Variants in CDKAL1 observed in about 807,000 individuals in gnomAD.
CDKAL1 encodes the protein CDKAL1 threonylcarbamoyladenosine tRNA methylthiotransferase.
A neutral mutation model predicts 68.2 loss-of-function variants in CDKAL1; 32 were observed. The ratio of observed to expected loss-of-function variants is 0.47; its 90% CI spans 0.35 to 0.63. The LOEUF (loss-of-function observed/expected upper bound fraction) is 0.63. Among genes scored for constraint, CDKAL1 ranks in the 30% least tolerant of loss-of-function variants. The pLI, the probability that CDKAL1 is intolerant of heterozygous loss-of-function variation, is 0.00. For missense variants in CDKAL1, 606 were observed against 696.7 expected, an observed-to-expected ratio of 0.87 and a Z score of 1.47; for synonymous variants, 234 against 244.3, an observed-to-expected ratio of 0.96 and a Z score of 0.39.
intron 4 of CDKAL1, among the ~76,000 whole-genome samples, chr6:20,582,187 T>G (rs1765168503): frequency 6.6e-6 from 1 of 152,200 alleles, no homozygotes; most frequent in Non-Finnish European, 1.5e-5. Context: ...ATCTGTGAGA[T>G]ATGCTATGTG....
At chr6:20,873,174 T>C (rs1259104636) in intron 9 of CDKAL1, among the ~76,000 whole-genome samples, 2 of 152,136 alleles carry the variant, frequency 1.3e-5, no homozygotes, top group Non-Finnish European at 2.9e-5. Context: ...CAAGAGATGA[T>C]GAATAAGACG....
At chr6:20,989,095 G>C (rs550062584) in intron 10 of CDKAL1, among the ~76,000 whole-genome samples, 7 of 151,966 alleles carry the variant, frequency 4.6e-5, no homozygotes, top group Admixed American at 6.6e-5. Flanking sequence ...ACAGAAGCCA[G>C]AATACTTACT....
At chr6:21,121,445 G>A (rs569320283) in intron 13 of CDKAL1, among the ~76,000 whole-genome samples, 5 of 152,146 alleles carry the variant, frequency 3.3e-5, no homozygotes, top group East Asian at 1.9e-4. Flanking sequence ...TTCACATAAC[G>A]CTAAGGAAAA....
chr6:20,761,903 A>G (rs2150352977), intron 7 of CDKAL1, among the ~76,000 whole-genome samples: 1 of 152,266 alleles, frequency 6.6e-6, no homozygotes, highest in South Asian at 2.1e-4. Context: ...GTGAACCCTA[A>G]TGTAAACTGT....
chr6:21,208,187 C>T (rs1204680853), intron 15 of CDKAL1, among the ~76,000 whole-genome samples: 1 of 152,022 alleles, frequency 6.6e-6, no homozygotes, highest in African/African-American at 2.4e-5. Context: ...TAGCTCAGCC[C>T]TGACACAGCC....
At chr6:20,771,442 G>T (rs911922482) in intron 7 of CDKAL1, among the ~76,000 whole-genome samples, 1 of 152,116 alleles carries the variant, frequency 6.6e-6, no homozygotes, top group African/African-American at 2.4e-5. Flanking sequence ...AGGTCAGAGA[G>T]GCATTTTTTA....
intron 6 of CDKAL1, among the ~76,000 whole-genome samples, chr6:20,750,309 G>C: frequency 6.6e-6 from 1 of 152,048 alleles, no homozygotes; most frequent in South Asian, 2.1e-4. Context: ...GGGCTCAAGT[G>C]ATTCTCCCTC....
chr6:21,053,420 A>G (rs1014469180), intron 11 of CDKAL1, among the ~76,000 whole-genome samples: 5 of 152,216 alleles, frequency 3.3e-5, no homozygotes, highest in African/African-American at 4.8e-5. Context: ...GAAGATTGCT[A>G]CTGTGAAAAT....
At chr6:21,100,519 C>T (rs1773529381) in intron 12 of CDKAL1, among the ~76,000 whole-genome samples, 2 of 152,132 alleles carry the variant, frequency 1.3e-5, no homozygotes, top group Admixed American at 6.5e-5. Context: ...GCAGACCTAA[C>T]TAGAGAGTAG....
chr6:20,838,214 G>T (rs9295484), intron 8 of CDKAL1, among the ~76,000 whole-genome samples: 146,616 of 152,066 alleles, frequency 0.96, 70,684 homozygotes, highest in East Asian at 1. Flanking sequence ...TATGTATAAT[G>T]TATACATATA....
intron 9 of CDKAL1, among the ~76,000 whole-genome samples, chr6:20,857,683 G>T (rs986514213): frequency 6.6e-6 from 1 of 152,172 alleles, no homozygotes; most frequent in African/African-American, 2.4e-5. Context: ...AGAAATGTTT[G>T]TCTAGAGAAC....
At chr6:21,130,969 C>T (rs777377855) in intron 13 of CDKAL1, among the ~76,000 whole-genome samples, 1 of 152,196 alleles carries the variant, frequency 6.6e-6, no homozygotes, top group Non-Finnish European at 1.5e-5. Flanking sequence ...CCCAGTTTTC[C>T]TTCTGCACCA....
chr6:20,970,602 G>A (rs2150753253), intron 10 of CDKAL1, among the ~76,000 whole-genome samples: 1 of 152,280 alleles, frequency 6.6e-6, no homozygotes, highest in East Asian at 1.9e-4. Context: ...TGTCAAAGGT[G>A]CATCAATCAC....
At chr6:21,081,372 AT>A (rs1197398267) in intron 12 of CDKAL1, among the ~76,000 whole-genome samples, 1 of 152,116 alleles carries the variant, frequency 6.6e-6, no homozygotes, top group Non-Finnish European at 1.5e-5. Flanking sequence ...TCCAGTGGTG[AT>A]TACATACCTT....
intron 11 of CDKAL1, among the ~76,000 whole-genome samples, chr6:21,004,398 T>G (rs754308219): frequency 6.6e-6 from 1 of 152,210 alleles, no homozygotes; most frequent in African/African-American, 2.4e-5. Flanking sequence ...TGGCACATGT[T>G]GAGGCATATG....
At chr6:20,694,042 T>TTGTGTGTGTG (rs1231271309) in intron 5 of CDKAL1, among the ~76,000 whole-genome samples, 46 of 114,402 alleles carry the variant, frequency 4.0e-4, no homozygotes, top group African/African-American at 1.9e-3. Flanking sequence ...CCGGCTAACT[T>TTGTGTGTGTG]TGTGTGTGTG....
At chr6:20,598,479 A>T (rs1765937357) in intron 4 of CDKAL1, among the ~76,000 whole-genome samples, 1 of 152,180 alleles carries the variant, frequency 6.6e-6, no homozygotes, top group African/African-American at 2.4e-5. Context: ...TACATGAAGT[A>T]TGGCATACGA....
intron 5 of CDKAL1, among the ~76,000 whole-genome samples, chr6:20,715,135 A>T (rs891113957): frequency 6.6e-6 from 1 of 152,184 alleles, no homozygotes; most frequent in Non-Finnish European, 1.5e-5. Flanking sequence ...TCCTTATGTT[A>T]TACATTGCAT....
chr6:20,810,260 C>T (rs947135263), intron 8 of CDKAL1, among the ~76,000 whole-genome samples: 6 of 152,032 alleles, frequency 3.9e-5, no homozygotes, highest in Non-Finnish European at 5.9e-5. Flanking sequence ...TTCTCTTGCC[C>T]CAGCACAACT....
Sources: allele counts gnomAD v4.1 joint callset (sites outside exome capture counted in the v4.1 genomes callset), GRCh38; gene constraint gnomAD v4.1.1; transcripts MANE v1.5; gene names NCBI Gene and HGNC (gene_info 2026-07-23, HGNC 2026-07-21).